The following PRKG1 variants were observed in gnomAD, a reference collection of about 807,000 sequenced individuals.
The protein encoded by PRKG1 is cGMP-dependent protein kinase 1.
Under a neutral mutation model 88.1 loss-of-function variants are expected in PRKG1, and 35 were observed. That is an observed-to-expected ratio of 0.40 (90% CI 0.30 to 0.53). The LOEUF is 0.53. Ranked by LOEUF, PRKG1 falls within the 20% of genes least tolerant of loss-of-function variation. The pLI is 0.59. For missense variants in PRKG1, 540 were observed against 839.8 expected, an observed-to-expected ratio of 0.64 and a Z score of 4.41; for synonymous variants, 303 against 292.5, an observed-to-expected ratio of 1.04 and a Z score of -0.37.
At chr10:51,856,860 A>G (rs1177548965) in intron 4 of PRKG1, among the ~76,000 whole-genome samples, 1 of 150,254 alleles carries the variant, frequency 6.7e-6, no homozygotes, top group Non-Finnish European at 1.5e-5. Flanking sequence ...GCTGCTCGGG[A>G]GGCTGAGGCA....
intron 3 of PRKG1, among the ~76,000 whole-genome samples, chr10:51,803,873 C>G (rs1048653368): frequency 4.6e-5 from 7 of 152,254 alleles, no homozygotes; most frequent in African/African-American, 9.6e-5. Context: ...GTGTTACAAA[C>G]TATAACATTT....
In PRKG1 at chr10:51,137,965, T is replaced by C. The variant is rs1032253106; in HGVS notation, c.312-15199T>C. On this transcript the variant is annotated intron_variant, in intron 1 of 17. Transcript: ENST00000373980. ...TTGCTAGACATGTGACTGGGGATAA[T>C]AATAAGCTGAAAGTTACTTTGGGGA... Among the ~76,000 whole-genome samples the C allele has an allele frequency of 7.9e-5, 12 of 152,196 alleles. No homozygotes were observed. The East Asian group carries it at 2.3e-3, about 29-fold the overall frequency.
chr10:51,847,868 A>C (rs1401363809), intron 4 of PRKG1, among the ~76,000 whole-genome samples: 1 of 146,052 alleles, frequency 6.8e-6, no homozygotes, highest in Non-Finnish European at 1.5e-5. Flanking sequence ...AAAAAAAAAA[A>C]AAAAAAAAAG....
At chr10:52,287,594 T>C (rs1842147409) in intron 14 of PRKG1, among the ~76,000 whole-genome samples, 1 of 151,784 alleles carries the variant, frequency 6.6e-6, no homozygotes. Flanking sequence ...AGGTGTATCA[T>C]CATCTCCCCT....
chr10:51,126,376 G>T (rs9415727), intron 1 of PRKG1, among the ~76,000 whole-genome samples: 105,979 of 131,884 alleles, frequency 0.8, 42,803 homozygotes, highest in South Asian at 0.88. Context: ...ATATTTTATA[G>T]TATTTATATA....
At chr10:51,372,069 T>TA (rs1318646607) in intron 2 of PRKG1, among the ~76,000 whole-genome samples, 52 of 151,938 alleles carry the variant, frequency 3.4e-4, no homozygotes, top group Middle Eastern at 3.4e-3. Flanking sequence ...GCTAGAAACA[T>TA]AATAAAAAAC....
chr10:51,348,880 A>AT (rs766892289), intron 2 of PRKG1, among the ~76,000 whole-genome samples: 1 of 151,598 alleles, frequency 6.6e-6, no homozygotes, highest in Non-Finnish European at 1.5e-5. Flanking sequence ...GTTCTTTTTC[A>AT]TTTTTTTTCC....
chr10:51,612,466 T>C (rs1365136817), intron 3 of PRKG1, among the ~76,000 whole-genome samples: 1 of 152,138 alleles, frequency 6.6e-6, no homozygotes, highest in Non-Finnish European at 1.5e-5. Context: ...TACTGACTTT[T>C]GTATGTTGAT....
intron 3 of PRKG1, among the ~76,000 whole-genome samples, chr10:51,575,155 G>T (rs1837853149): frequency 6.6e-6 from 1 of 152,002 alleles, no homozygotes; most frequent in Non-Finnish European, 1.5e-5. Flanking sequence ...GAGAAACTAA[G>T]CTGGGTTCCA....
intron 2 of PRKG1, among the ~76,000 whole-genome samples, chr10:51,250,382 C>T (rs1839397218): frequency 6.6e-6 from 1 of 151,770 alleles, no homozygotes; most frequent in Non-Finnish European, 1.5e-5. Context: ...GATCATAGAA[C>T]AAGTTTAACC....
chr10:52,201,756 GAGATCTTTC>G (rs1170695302), intron 9 of PRKG1, among the ~76,000 whole-genome samples: 1 of 152,004 alleles, frequency 6.6e-6, no homozygotes, highest in Non-Finnish European at 1.5e-5. Flanking sequence ...TCACTTTGTA[GAGATCTTTC>G]ACCTCCCTGA....
intron 3 of PRKG1, among the ~76,000 whole-genome samples, chr10:51,777,651 G>A (rs1838475296): frequency 6.6e-6 from 1 of 152,024 alleles, no homozygotes; most frequent in South Asian, 2.1e-4. Context: ...TTTACACTAG[G>A]GTTCACTCTT....
intron 2 of PRKG1, among the ~76,000 whole-genome samples, chr10:51,169,454 T>C (rs1402875759): frequency 6.6e-6 from 1 of 152,176 alleles, no homozygotes; most frequent in Non-Finnish European, 1.5e-5. Flanking sequence ...AGCATTTTCT[T>C]GGGATAAGTT....
intron 2 of PRKG1, among the ~76,000 whole-genome samples, chr10:51,254,276 A>G (rs1839500335): frequency 6.6e-6 from 1 of 151,992 alleles, no homozygotes; most frequent in Admixed American, 6.6e-5. Context: ...GTACACCTAT[A>G]AAGTGTTCTA....
intron 7 of PRKG1, among the ~76,000 whole-genome samples, chr10:52,096,716 T>A (rs1008412535): frequency 1.3e-5 from 2 of 152,142 alleles, no homozygotes; most frequent in Admixed American, 1.3e-4. Flanking sequence ...TGTTTGTACA[T>A]CTATGCACGC....
chr10:51,735,168 G>A (rs955426796), intron 3 of PRKG1, among the ~76,000 whole-genome samples: 2 of 152,170 alleles, frequency 1.3e-5, no homozygotes, highest in Admixed American at 1.3e-4. Flanking sequence ...CTCACTTCCA[G>A]ACAGATTAGC....
At chr10:52,259,121 C>A (rs954455675) in intron 10 of PRKG1, among the ~76,000 whole-genome samples, 1,486 of 96,786 alleles carry the variant, frequency 0.015, no homozygotes, top group Middle Eastern at 0.024. Flanking sequence ...TTAGACTTGC[C>A]AAAAAAAAAA....
intron 2 of PRKG1, among the ~76,000 whole-genome samples, chr10:51,257,151 A>G (rs1667531912): frequency 6.6e-6 from 1 of 150,454 alleles, no homozygotes; most frequent in African/African-American, 2.5e-5. Context: ...CTGAAATAGC[A>G]AAGTTCAGAG....
intron 1 of PRKG1, among the ~76,000 whole-genome samples, chr10:51,116,352 T>G (rs1255633529): frequency 1.3e-5 from 2 of 152,132 alleles, no homozygotes; most frequent in African/African-American, 2.4e-5. Flanking sequence ...ATGAGTAGAA[T>G]GTAATTATAA....
Sources: allele counts gnomAD v4.1 joint callset (sites outside exome capture counted in the v4.1 genomes callset), GRCh38; gene constraint gnomAD v4.1.1; transcripts MANE v1.5; gene names NCBI Gene and HGNC (gene_info 2026-07-23, HGNC 2026-07-21).